The following TRDN variants were observed in gnomAD, a reference collection of about 807,000 sequenced individuals.
The protein encoded by TRDN is triadin.
TRDN carries 161 observed loss-of-function variants against 149.7 expected under a neutral mutation model. That is an observed-to-expected ratio of 1.08 (90% CI 0.95 to 1.23). The LOEUF is 1.23. Among genes scored for constraint, TRDN ranks in the 50% most tolerant of loss-of-function variants. The pLI is 0.00. For synonymous variants in TRDN, 294 were observed against 250.5 expected, an observed-to-expected ratio of 1.17 and a Z score of -1.64; for missense variants, 896 against 823.5, an observed-to-expected ratio of 1.09 and a Z score of -1.08.
intron 12 of TRDN, among the ~76,000 whole-genome samples, chr6:123,420,728 CT>C (rs749314965): frequency 8.4e-4 from 128 of 152,298 alleles, no homozygotes; most frequent in Non-Finnish European, 1.5e-3. Flanking sequence ...CTGCTTCATA[CT>C]GGCATTATAC....
chr6:123,520,299 T>C (rs951601611), intron 5 of TRDN, among the ~76,000 whole-genome samples: 6 of 152,162 alleles, frequency 3.9e-5, no homozygotes, highest in Non-Finnish European at 8.8e-5. Context: ...ATTTCAGAGC[T>C]GATAGGAATA....
chr6:123,571,827 T>C (rs1018159511), intron 1 of TRDN, among the ~76,000 whole-genome samples: 9 of 152,144 alleles, frequency 5.9e-5, no homozygotes, highest in Admixed American at 4.6e-4. Context: ...GTGTGTTTTA[T>C]TGCCATTCTG....
chr6:123,596,055 G>T (rs1009221638), intron 1 of TRDN, among the ~76,000 whole-genome samples: 1 of 152,062 alleles, frequency 6.6e-6, no homozygotes, highest in Non-Finnish European at 1.5e-5. Flanking sequence ...CAAAAGCTAG[G>T]CCTTTTGCAC....
At chr6:123,428,415 AC>A (rs760942806) in intron 12 of TRDN, among the ~76,000 whole-genome samples, 96 of 152,298 alleles carry the variant, frequency 6.3e-4, no homozygotes, top group Non-Finnish European at 9.7e-4. Flanking sequence ...TGGCCAATTT[AC>A]AGCTACATAG....
intron 1 of TRDN, among the ~76,000 whole-genome samples, chr6:123,586,587 C>T (rs1562408540): frequency 6.6e-6 from 1 of 152,092 alleles, no homozygotes; most frequent in Non-Finnish European, 1.5e-5. Context: ...ATTGAAAGTG[C>T]CGTTTTCTGG....
At chr6:123,264,764 T>C (rs779270080) in intron 33 of TRDN, among the ~76,000 whole-genome samples, 5 of 152,040 alleles carry the variant, frequency 3.3e-5, no homozygotes, top group Admixed American at 6.6e-5. Context: ...CTTCATCAGT[T>C]AGCACCCATC....
At chr6:123,257,077 T>C (rs975239928) in intron 35 of TRDN, among the ~76,000 whole-genome samples, 2 of 151,846 alleles carry the variant, frequency 1.3e-5, no homozygotes, top group Non-Finnish European at 2.9e-5. Context: ...GCCTCTCAGG[T>C]TCAAGTGATT....
intron 5 of TRDN, chr6:123,528,818 C>T: frequency 1.0e-6 from 1 of 1,000,482 alleles, no homozygotes; most frequent in South Asian, 4.3e-5. Flanking sequence ...CTGTGGAAAA[C>T]ATAAGCTCTC....
intron 1 of TRDN, among the ~76,000 whole-genome samples, chr6:123,633,728 A>AGAGTATTTAG (rs1786137005): frequency 3.9e-5 from 6 of 152,048 alleles, no homozygotes; most frequent in Non-Finnish European, 8.8e-5. Context: ...TACCTGAAAC[A>AGAGTATTTAG]CAATTCTGTA....
At chr6:123,444,852 G>T (rs1775210234) in intron 10 of TRDN, among the ~76,000 whole-genome samples, 2 of 152,278 alleles carry the variant, frequency 1.3e-5, no homozygotes, top group South Asian at 4.1e-4. Context: ...AACCAGCCTT[G>T]CATTCCAGGG....
intron 3 of TRDN, among the ~76,000 whole-genome samples, chr6:123,547,794 T>C (rs1433030488): frequency 2.0e-5 from 3 of 152,142 alleles, no homozygotes; most frequent in African/African-American, 4.8e-5. Context: ...AAAAGTGTTA[T>C]CTAATAGATG....
At chr6:123,382,298 G>A (rs1781752597) in intron 14 of TRDN, among the ~76,000 whole-genome samples, 151 bp from the exon 15 acceptor site, 1 of 151,586 alleles carries the variant, frequency 6.6e-6, no homozygotes, top group Non-Finnish European at 1.5e-5. Flanking sequence ...CTTAGAAACT[G>A]TTCTGTTTTG....
chr6:123,566,854 T>C (rs966165277), intron 2 of TRDN, among the ~76,000 whole-genome samples: 10 of 152,226 alleles, frequency 6.6e-5, no homozygotes, highest in Non-Finnish European at 8.8e-5. Flanking sequence ...TACACATATT[T>C]CAAGAATTGC....
intron 4 of TRDN, among the ~76,000 whole-genome samples, chr6:123,532,251 T>G (rs1258535337): frequency 2.7e-5 from 4 of 150,570 alleles, no homozygotes; most frequent in South Asian, 2.1e-4. Flanking sequence ...AATTACATTT[T>G]GAAATGATAT....
intron 39 of TRDN, among the ~76,000 whole-genome samples, chr6:123,223,280 C>T (rs1216997150): frequency 1.3e-5 from 2 of 151,656 alleles, no homozygotes; most frequent in East Asian, 3.9e-4. Flanking sequence ...ACACTGAGGC[C>T]TACCCAACGG....
intron 8 of TRDN, among the ~76,000 whole-genome samples, chr6:123,497,981 G>GT (rs35605071): frequency 1.3e-5 from 2 of 151,766 alleles, no homozygotes; most frequent in African/African-American, 4.8e-5. Flanking sequence ...TCAGGAGTTG[G>GT]TTTTTTTTCT....
chr6:123,419,163 G>A (rs978234600), intron 12 of TRDN, among the ~76,000 whole-genome samples: 1 of 151,942 alleles, frequency 6.6e-6, no homozygotes, highest in Non-Finnish European at 1.5e-5. Context: ...CTGAGAGGTG[G>A]TGGATCCCCG....
intron 1 of TRDN, among the ~76,000 whole-genome samples, chr6:123,600,511 GT>G (rs1321246016): frequency 6.6e-6 from 1 of 152,012 alleles, no homozygotes; most frequent in Non-Finnish European, 1.5e-5. Flanking sequence ...AATGGGTGGA[GT>G]CCTGGCAGTG....
chr6:123,522,103 T>C (rs1053774398), intron 5 of TRDN, among the ~76,000 whole-genome samples: 1 of 152,114 alleles, frequency 6.6e-6, no homozygotes, highest in Non-Finnish European at 1.5e-5. Context: ...GCTGACCATA[T>C]GCTGTCTCTC....
Sources: allele counts gnomAD v4.1 joint callset (sites outside exome capture counted in the v4.1 genomes callset), GRCh38; gene constraint gnomAD v4.1.1; transcripts MANE v1.5; gene names NCBI Gene and HGNC (gene_info 2026-07-23, HGNC 2026-07-21).